Variants in HIVEP3 observed in about 807,000 individuals in gnomAD.
HIVEP3 encodes the protein HIVEP zinc finger 3.
HIVEP3 carries 49 observed loss-of-function variants against 152.8 expected under a neutral mutation model. The ratio of observed to expected loss-of-function variants is 0.32; its 90% CI spans 0.26 to 0.41. The LOEUF is 0.41. Ranked by LOEUF, HIVEP3 falls within the 10% of genes least tolerant of loss-of-function variation. The pLI is 1.00. For missense variants in HIVEP3, 2,790 were observed against 3,103.3 expected (o/e 0.90, Z 2.40); for synonymous variants, 1,269 against 1,289.0 (o/e 0.98, Z 0.33).
chr1:41,526,720 C>CTCTT, intron 5 of HIVEP3, among the ~76,000 whole-genome samples: 1 of 128,566 alleles, frequency 7.8e-6, no homozygotes, highest in South Asian at 2.7e-4. Context: ...CTCACACACA[C>CTCTT]CCTCACACAC....
intron 2 of HIVEP3, among the ~76,000 whole-genome samples, chr1:41,647,715 G>A (rs1268272325): frequency 6.6e-6 from 1 of 152,236 alleles, no homozygotes; most frequent in Non-Finnish European, 1.5e-5. Context: ...ACTGTAGTGA[G>A]CTTGGAGTCT....
intron 1 of HIVEP3, among the ~76,000 whole-genome samples, chr1:41,986,090 G>C (rs1450525242): frequency 6.6e-6 from 1 of 152,170 alleles, no homozygotes; most frequent in Non-Finnish European, 1.5e-5. Flanking sequence ...TGTGGCTCAA[G>C]TCATGCTATC....
At chr1:41,995,361 T>G (rs1436770525) in intron 1 of HIVEP3, among the ~76,000 whole-genome samples, 2 of 152,160 alleles carry the variant, frequency 1.3e-5, no homozygotes, top group African/African-American at 4.8e-5. Flanking sequence ...AATGATATCT[T>G]CAATGAATTC....
At chr1:41,765,657 G>T (rs1437913782) in intron 1 of HIVEP3, among the ~76,000 whole-genome samples, 5 of 152,308 alleles carry the variant, frequency 3.3e-5, no homozygotes, top group Non-Finnish European at 1.5e-5. Context: ...CCTGTAAGCT[G>T]TAAGCCTTAG....
chr1:41,675,652 C>T (rs1000556441), intron 2 of HIVEP3, among the ~76,000 whole-genome samples: 2 of 152,210 alleles, frequency 1.3e-5, no homozygotes, highest in African/African-American at 4.8e-5. Context: ...GATCAGAGAA[C>T]TGATCACCCT....
chr1:41,824,537 G>C (rs925536434), intron 1 of HIVEP3, among the ~76,000 whole-genome samples: 5 of 151,794 alleles, frequency 3.3e-5, no homozygotes, highest in African/African-American at 1.2e-4. Flanking sequence ...GCTGTGCACT[G>C]ACAACCTCAA....
At chr1:41,844,377 C>A (rs920453475) in intron 1 of HIVEP3, among the ~76,000 whole-genome samples, 5 of 152,222 alleles carry the variant, frequency 3.3e-5, no homozygotes, top group Admixed American at 2.0e-4. Context: ...AACCTGAGCT[C>A]TTCTAGTCCA....
intron 2 of HIVEP3, 80 bp from the exon 3 acceptor site, chr1:41,629,027 C>A: frequency 4.6e-6 from 5 of 1,079,580 alleles, no homozygotes; most frequent in Non-Finnish European, 5.9e-6. Context: ...CCTGCCTGGT[C>A]CCTGGAGGAC....
At chr1:41,813,046 A>ATTTTTTTTTTTTTTTTTT (rs1344629800) in intron 1 of HIVEP3, among the ~76,000 whole-genome samples, 10 of 152,002 alleles carry the variant, frequency 6.6e-5, no homozygotes, top group Non-Finnish European at 1.5e-4. Context: ...ATTTTATTTT[A>ATTTTTTTTTTTTTTTTTT]TTTTATTTTT....
At chr1:41,573,104 CT>C (rs748858925) in intron 5 of HIVEP3, among the ~76,000 whole-genome samples, 3 of 152,162 alleles carry the variant, frequency 2.0e-5, no homozygotes, top group South Asian at 2.1e-4. Flanking sequence ...GCAGATCCTT[CT>C]CAAATGTGTA....
intron 1 of HIVEP3, among the ~76,000 whole-genome samples, chr1:41,771,312 A>G (rs1400891918): frequency 2.6e-5 from 4 of 152,030 alleles, no homozygotes; most frequent in Admixed American, 2.6e-4. Context: ...TTAATTTACT[A>G]AAAAATAATC....
intron 1 of HIVEP3, among the ~76,000 whole-genome samples, chr1:41,927,953 C>T (rs1291935975): frequency 6.8e-6 from 1 of 146,576 alleles, no homozygotes; most frequent in African/African-American, 2.5e-5. Context: ...CCCAGCTACT[C>T]GGGAGGCTGA....
chr1:41,970,442 A>G (rs1487656330), intron 1 of HIVEP3, among the ~76,000 whole-genome samples: 1 of 152,240 alleles, frequency 6.6e-6, no homozygotes, highest in Non-Finnish European at 1.5e-5. Context: ...CAGGAACAGA[A>G]CACCAAACAC....
At chr1:41,748,162 G>A (rs1025238338) in intron 1 of HIVEP3, among the ~76,000 whole-genome samples, 14 of 152,210 alleles carry the variant, frequency 9.2e-5, no homozygotes, top group South Asian at 6.2e-4. Context: ...TGGGAAGCCC[G>A]TCAGAAGTCA....
rs1402620429 is a variant in HIVEP3 at position 41,662,828 on chromosome 1, A to C, written c.-720-33881T>G. On this transcript the variant is annotated intron_variant, in intron 2 of 8. Coordinates refer to ENST00000372583, the MANE Select transcript of HIVEP3 (RefSeq NM_024503.5). This position sits in a 1 kb window ranked among gnomAD's most constrained non-coding sequence, Gnocchi z 7.2. ...CCACTCTGCGCCACGCCTTGGTCGC[A>C]CCCGGGCCCAGCGGGAGTCCATCGC... Among the ~76,000 whole-genome samples, 1 of 151,970 alleles carries C rather than the reference A, an allele frequency of 6.6e-6. No individual in the cohort carries two copies. Among genetic ancestry groups the C allele is most frequent in the East Asian group, 1.9e-4 (1 of 5,150 alleles).
intron 1 of HIVEP3, among the ~76,000 whole-genome samples, chr1:41,877,914 TAGAA>T (rs1311103207): frequency 3.3e-5 from 5 of 152,206 alleles, no homozygotes; most frequent in Non-Finnish European, 5.9e-5. Context: ...TCAGGTAATT[TAGAA>T]ATATCTGATT....
At chr1:41,951,498 C>G (rs1645107086) in intron 1 of HIVEP3, among the ~76,000 whole-genome samples, 1 of 152,142 alleles carries the variant, frequency 6.6e-6, no homozygotes, top group Non-Finnish European at 1.5e-5. Flanking sequence ...GATGAGAGAA[C>G]AGTGTTCATT....
At chr1:41,566,499 C>T (rs1644165744) in intron 5 of HIVEP3, among the ~76,000 whole-genome samples, 1 of 152,170 alleles carries the variant, frequency 6.6e-6, no homozygotes, top group African/African-American at 2.4e-5. Context: ...AGTTCAAACA[C>T]CTGTCTGCTC....
intron 1 of HIVEP3, among the ~76,000 whole-genome samples, chr1:41,917,927 C>T (rs1286950724): frequency 6.6e-6 from 1 of 152,228 alleles, no homozygotes; most frequent in African/African-American, 2.4e-5. Flanking sequence ...TACTGCAGTC[C>T]GCCTAAACAA....
Sources: allele counts gnomAD v4.1 joint callset (sites outside exome capture counted in the v4.1 genomes callset), GRCh38; gene constraint gnomAD v4.1.1; non-coding constraint Gnocchi (gnomAD v3.1); transcripts MANE v1.5; gene names NCBI Gene and HGNC (gene_info 2026-07-23, HGNC 2026-07-21).